The following CAMTA1 variants were observed in gnomAD, a reference collection of about 807,000 sequenced individuals.
CAMTA1 encodes calmodulin-binding transcription activator 1.
Under a neutral mutation model 170.9 loss-of-function variants are expected in CAMTA1, and 27 were observed. The ratio of observed to expected loss-of-function variants is 0.16; its 90% CI spans 0.12 to 0.22. The LOEUF (loss-of-function observed/expected upper bound fraction) is 0.22, where lower values mean the gene tolerates loss of function less well. Ranked by LOEUF, CAMTA1 falls within the 10% of genes least tolerant of loss-of-function variation. The probability of loss-of-function intolerance (pLI) is 1.00; values close to 1 mark genes in which losing one functional copy is unlikely to be tolerated. For synonymous variants in CAMTA1, 833 were observed against 891.5 expected (o/e 0.93, Z 1.17); for missense variants, 1,619 against 2,217.2 (o/e 0.73, Z 5.42).
Position 7,766,559 on chromosome 1 carries a change from C to A in CAMTA1, c.*68C>A. 1 of 1,398,090 alleles carries A rather than the reference C, an allele frequency of 7.2e-7. No individual in the cohort carries two copies. Among genetic ancestry groups the A allele is most frequent in the Non-Finnish European group, 1.0e-6 (1 of 984,146 alleles). The allele number at this position is 1,398,090 out of a possible 1,614,324, so 86.6% of individuals were successfully genotyped here. On this transcript the variant is annotated 3_prime_UTR_variant, in exon 23 of 23. Coordinates refer to ENST00000303635, the MANE Select transcript of CAMTA1 (RefSeq NM_015215.4). ...AGACTGTTTTCATTTCTGTTTTTAG[C>A]AGAGACATGCAACAACAACACACAC...
chr1:7,000,448 T>G (rs1698055088), intron 3 of CAMTA1, among the ~76,000 whole-genome samples: 1 of 152,136 alleles, frequency 6.6e-6, no homozygotes, highest in Non-Finnish European at 1.5e-5. Flanking sequence ...CTGCTTAGGA[T>G]GGGAAGTTGA....
At chr1:7,628,955 T>A (rs1349964096) in intron 6 of CAMTA1, among the ~76,000 whole-genome samples, 1 of 152,210 alleles carries the variant, frequency 6.6e-6, no homozygotes, top group Non-Finnish European at 1.5e-5. Flanking sequence ...TCTGTGCTGT[T>A]CCACCCTCTG....
intron 4 of CAMTA1, among the ~76,000 whole-genome samples, chr1:7,220,684 C>T (rs910360147): frequency 6.6e-6 from 1 of 152,224 alleles, no homozygotes; most frequent in Non-Finnish European, 1.5e-5. Context: ...CAATGGGACA[C>T]AGCCAACATC....
intron 3 of CAMTA1, among the ~76,000 whole-genome samples, chr1:6,917,927 A>G (rs1681195374): frequency 6.6e-6 from 1 of 152,078 alleles, no homozygotes; most frequent in African/African-American, 2.4e-5. Flanking sequence ...GCCATGGGTC[A>G]CAGCGAAGAC....
chr1:7,699,377 A>G (rs2096413963), intron 11 of CAMTA1, among the ~76,000 whole-genome samples: 1 of 152,210 alleles, frequency 6.6e-6, no homozygotes, highest in Admixed American at 6.5e-5. Flanking sequence ...TAAATGATGT[A>G]ATACAATGTA....
chr1:7,607,831 A>G (rs764436061), intron 6 of CAMTA1, among the ~76,000 whole-genome samples: 6 of 152,232 alleles, frequency 3.9e-5, no homozygotes, highest in African/African-American at 1.2e-4. Flanking sequence ...AGTAGATTCT[A>G]TAGAGAAGCA....
intron 3 of CAMTA1, among the ~76,000 whole-genome samples, chr1:7,090,147 T>G (rs1641289554): frequency 6.6e-6 from 1 of 152,092 alleles, no homozygotes; most frequent in African/African-American, 2.4e-5. Context: ...GGCCTTGATC[T>G]CCACTCTTGG....
chr1:7,539,371 T>A (rs1289686757), intron 6 of CAMTA1, among the ~76,000 whole-genome samples: 1 of 152,250 alleles, frequency 6.6e-6, no homozygotes, highest in Non-Finnish European at 1.5e-5. Context: ...GCACAGTGGT[T>A]TTTCTTAAAG....
At chr1:7,490,101 G>A (rs544895820) in intron 6 of CAMTA1, among the ~76,000 whole-genome samples, 2 of 152,286 alleles carry the variant, frequency 1.3e-5, no homozygotes, top group Admixed American at 6.5e-5. Flanking sequence ...GGAGTGACTC[G>A]GGCATCCTAG....
chr1:7,542,821 C>A (rs148607997), intron 6 of CAMTA1, among the ~76,000 whole-genome samples: 1 of 143,908 alleles, frequency 6.9e-6, no homozygotes, highest in South Asian at 2.2e-4. Flanking sequence ...TAAGCCACCA[C>A]GCCTGGCCTA....
At chr1:6,906,396 C>T (rs890403220) in intron 3 of CAMTA1, among the ~76,000 whole-genome samples, 1 of 152,186 alleles carries the variant, frequency 6.6e-6, no homozygotes, top group Non-Finnish European at 1.5e-5. Flanking sequence ...TCCTTCCTCA[C>T]TGTGGCAGGG....
Position 6,823,782 on chromosome 1 carries a change from C to T in CAMTA1, c.116-1310C>T, listed in dbSNP as rs530104705. Reference sequence around the variant, plus strand: ...AAAAATAGACTGTACTGAACAAAGCCGTAGTAAATAACTGGAAAAAGATAT... The same window carrying T: ...AAAAATAGACTGTACTGAACAAAGCTGTAGTAAATAACTGGAAAAAGATAT... On this transcript the variant is annotated intron_variant, in intron 2 of 22. Transcript: ENST00000303635. 2.0e-5 allele frequency among the ~76,000 whole-genome samples: 3 copies of T among 152,122 alleles called. No homozygotes were observed. The East Asian group carries it at 5.8e-4, about 29-fold the overall frequency.
chr1:6,854,738 A>G lies in CAMTA1; in HGVS notation c.234+29528A>G, dbSNP rs1459932855. On this transcript the variant is annotated intron_variant, in intron 3 of 22. Coordinates refer to ENST00000303635, the MANE Select transcript of CAMTA1 (RefSeq NM_015215.4). Reference sequence around the variant, plus strand: ...AAAATTGATCAGTATAAATCACTAAATTAATAGAGTAGAGCAGAAAAATCA... The same window carrying G: ...AAAATTGATCAGTATAAATCACTAAGTTAATAGAGTAGAGCAGAAAAATCA... Among the ~76,000 whole-genome samples the G allele has an allele frequency of 2.6e-5, 4 of 152,348 alleles. No individual in the cohort carries two copies. In the East Asian group the frequency reaches 7.7e-4, roughly 29 times the overall value.
intron 2 of CAMTA1, among the ~76,000 whole-genome samples, chr1:6,824,478 GT>G (rs1421946311): frequency 6.6e-6 from 1 of 152,066 alleles, no homozygotes; most frequent in African/African-American, 2.4e-5. Flanking sequence ...CATTAATTAT[GT>G]AGATATGTAT....
intron 5 of CAMTA1, among the ~76,000 whole-genome samples, chr1:7,461,849 C>A (rs1343837957): frequency 6.6e-6 from 1 of 152,260 alleles, no homozygotes; most frequent in African/African-American, 2.4e-5. Flanking sequence ...AAACAAACAT[C>A]CCAAACGAAG....
intron 7 of CAMTA1, among the ~76,000 whole-genome samples, chr1:7,655,102 CTATACACACACCTAT>C (rs2095879492): frequency 1.0e-4 from 4 of 39,008 alleles, no homozygotes; most frequent in Admixed American, 3.0e-4. Flanking sequence ...ACACACACAC[CTATACACACACCTAT>C]ACACACACCT....
chr1:7,260,701 G>C (rs1401303692), intron 5 of CAMTA1, among the ~76,000 whole-genome samples: 1 of 152,212 alleles, frequency 6.6e-6, no homozygotes, highest in Non-Finnish European at 1.5e-5. Context: ...AATGAAGCCT[G>C]TATGTTGCTG....
chr1:7,140,118 A>G (rs1249124337), intron 4 of CAMTA1, among the ~76,000 whole-genome samples: 1 of 152,186 alleles, frequency 6.6e-6, no homozygotes, highest in East Asian at 1.9e-4. Context: ...ATGCACAGCT[A>G]GGTGTCATAG....
chr1:7,593,241 T>G (rs902162262), intron 6 of CAMTA1, among the ~76,000 whole-genome samples: 1 of 152,210 alleles, frequency 6.6e-6, no homozygotes, highest in East Asian at 1.9e-4. Flanking sequence ...GTCTCACTTA[T>G]GCATTCCTCA....
Sources: allele counts gnomAD v4.1 joint callset (sites outside exome capture counted in the v4.1 genomes callset), GRCh38; gene constraint gnomAD v4.1.1; transcripts MANE v1.5; gene names NCBI Gene and HGNC (gene_info 2026-07-23, HGNC 2026-07-21).